PLD5: variants seen among roughly 807,000 people sequenced by gnomAD.
The protein encoded by PLD5 is inactive phospholipase D5.
Under a neutral mutation model 61.1 loss-of-function variants are expected in PLD5, and 36 were observed. That is an observed-to-expected ratio of 0.59 (90% CI 0.45 to 0.78). PLD5 has a LOEUF of 0.78. Among genes scored for constraint, PLD5 ranks in the 30% least tolerant of loss-of-function variants. The pLI is 0.00. For synonymous variants in PLD5, 243 were observed against 242.8 expected (o/e 1.00, Z -0.01); for missense variants, 515 against 644.4 (o/e 0.80, Z 2.17).
chr1:242,172,121 C>G (rs746540807), intron 5 of PLD5, among the ~76,000 whole-genome samples: 34 of 152,290 alleles, frequency 2.2e-4, no homozygotes, highest in Middle Eastern at 3.4e-3. Flanking sequence ...AAATTGACCA[C>G]GTAATTGAAG....
chr1:242,263,098 C>T lies in PLD5; in HGVS notation c.607+2239G>A, dbSNP rs140415383. ...GAACAGGAATGACCTGCACACCACC[C>T]GTCAGAAGGGCCTTGGCCAGCTGTC... On this transcript the variant is annotated intron_variant, in intron 4 of 9. Transcript: ENST00000536534. Among the ~76,000 whole-genome samples the T allele has an allele frequency of 2.3e-4, 35 of 152,252 alleles. 1 individual carries two copies. Among genetic ancestry groups the T allele is most frequent in the African/African-American group, 7.9e-4 (33 of 41,552 alleles).
intron 1 of PLD5, among the ~76,000 whole-genome samples, chr1:242,396,054 A>G (rs900786481): frequency 1.8e-4 from 28 of 152,170 alleles, no homozygotes; most frequent in African/African-American, 6.0e-4. Context: ...ATCTCAAAAA[A>G]AAAAGTATCA....
rs188953498 is a variant in PLD5, at chr1:242,194,387, A to G, written c.735+25601T>C. 5.7e-3 allele frequency among the ~76,000 whole-genome samples: 874 copies of G among 152,236 alleles called. 7 individuals are homozygous for G. The highest frequency in any genetic ancestry group is 0.02 in the African/African-American group (838 of 41,534). On this transcript the variant is annotated intron_variant, in intron 5 of 9. Coordinates refer to ENST00000536534, the MANE Select transcript of PLD5 (RefSeq NM_001372062.1). Reference sequence around the variant, plus strand: ...GATTCCTTAAAGAACTAAAAGTAGAACTGCCATTTGATCCAGCAACTGCAC... The same window carrying G: ...GATTCCTTAAAGAACTAAAAGTAGAGCTGCCATTTGATCCAGCAACTGCAC...
intron 5 of PLD5, among the ~76,000 whole-genome samples, chr1:242,187,527 TA>T (rs1283838004): frequency 6.6e-6 from 1 of 152,192 alleles, no homozygotes; most frequent in Non-Finnish European, 1.5e-5. Flanking sequence ...AATATATAAA[TA>T]AAAATCTATA....
upstream of PLD5, among the ~76,000 whole-genome samples, chr1:242,528,090 CTTCT>C (rs1669486107): frequency 6.6e-6 from 1 of 152,140 alleles, no homozygotes; most frequent in Non-Finnish European, 1.5e-5. Flanking sequence ...CATGTTTTTG[CTTCT>C]TTATTTTGAA....
intron 5 of PLD5, among the ~76,000 whole-genome samples, chr1:242,142,878 C>T (rs998533721): frequency 1.3e-5 from 2 of 152,048 alleles, no homozygotes; most frequent in African/African-American, 4.8e-5. Context: ...AGGCACCCAC[C>T]ACCATGTTGG....
At chr1:242,463,422 G>A (rs75395882) in intron 1 of PLD5, among the ~76,000 whole-genome samples, 6,723 of 152,138 alleles carry the variant, frequency 0.044, 231 homozygotes, top group Middle Eastern at 0.075. Flanking sequence ...CATCGCAAGC[G>A]GACTCCTAAT....
intron 1 of PLD5, among the ~76,000 whole-genome samples, chr1:242,475,078 C>T (rs1232539918): frequency 6.6e-6 from 1 of 152,156 alleles, no homozygotes; most frequent in African/African-American, 2.4e-5. Context: ...AGGCTTGAGC[C>T]TCTAAGCAAG....
intron 8 of PLD5, among the ~76,000 whole-genome samples, chr1:242,103,458 T>C (rs1574299257): frequency 1.3e-5 from 2 of 152,360 alleles, no homozygotes; most frequent in East Asian, 1.9e-4. Flanking sequence ...ATGTGAGCCA[T>C]TGGTGAACTA....
intron 5 of PLD5, among the ~76,000 whole-genome samples, chr1:242,183,813 TGAA>T (rs1667687152): frequency 6.6e-6 from 1 of 152,084 alleles, no homozygotes; most frequent in Non-Finnish European, 1.5e-5. Flanking sequence ...TAGAATGGCG[TGAA>T]CCCGGGAGGC....
At chr1:242,403,351 C>T (rs1223823189) in intron 1 of PLD5, among the ~76,000 whole-genome samples, 1 of 152,218 alleles carries the variant, frequency 6.6e-6, no homozygotes, top group Non-Finnish European at 1.5e-5. Context: ...ACCTTCCCTG[C>T]AAGCACACAG....
At chr1:242,127,281 G>T (rs1662872354) in intron 5 of PLD5, among the ~76,000 whole-genome samples, 1 of 152,130 alleles carries the variant, frequency 6.6e-6, no homozygotes, top group Non-Finnish European at 1.5e-5. Flanking sequence ...ACTACCATTG[G>T]ATCCAGCAAT....
upstream of PLD5, chr1:242,524,700 G>C (rs994216225): frequency 1.4e-5 from 2 of 138,722 alleles, no homozygotes; most frequent in African/African-American, 5.1e-5. Flanking sequence ...CACCTACTGG[G>C]ACCCGGGCCG....
chr1:242,207,991 T>C lies in PLD5; in HGVS notation c.735+11997A>G, dbSNP rs146992242. Among the ~76,000 whole-genome samples the C allele has an allele frequency of 2.5e-4, 10 of 40,258 alleles. 2 individuals are homozygous for C. The highest frequency in any genetic ancestry group is 1.4e-3 in the East Asian group (2 of 1,438). The allele number at this position is 40,258 out of a possible 152,430, so 26.4% of individuals were successfully genotyped here. The stretch of plus-strand genomic sequence containing the variant: ...ATATATATTTTTATATATATATTTA[T>C]ACACACACACACACACACACACACA... On this transcript the variant is annotated intron_variant, in intron 5 of 9. Coordinates refer to ENST00000536534, the MANE Select transcript of PLD5 (RefSeq NM_001372062.1).
intron 1 of PLD5, among the ~76,000 whole-genome samples, chr1:242,410,680 G>C (rs1664498502): frequency 6.6e-6 from 1 of 151,940 alleles, no homozygotes; most frequent in Non-Finnish European, 1.5e-5. Context: ...ATTTAGCTTA[G>C]GTATTTTGCG....
intron 5 of PLD5, among the ~76,000 whole-genome samples, chr1:242,132,905 G>C (rs1663401726): frequency 6.6e-6 from 1 of 152,036 alleles, no homozygotes; most frequent in Non-Finnish European, 1.5e-5. Context: ...AATAGGGTCT[G>C]GAGGAAGGGA....
chr1:242,410,079 C>A (rs1490316603), intron 1 of PLD5, among the ~76,000 whole-genome samples: 1 of 152,162 alleles, frequency 6.6e-6, no homozygotes, highest in Non-Finnish European at 1.5e-5. Context: ...AATATTCCTC[C>A]CTGTGGAGAG....
chr1:242,440,218 T>C (rs1666207620), intron 1 of PLD5, among the ~76,000 whole-genome samples: 1 of 152,224 alleles, frequency 6.6e-6, no homozygotes, highest in Non-Finnish European at 1.5e-5. Flanking sequence ...TAGATATTTC[T>C]ATTCATCCAT....
chr1:242,500,129 T>C (rs905582), intron 1 of PLD5, among the ~76,000 whole-genome samples: 56,306 of 152,008 alleles, frequency 0.37, 11,215 homozygotes, highest in East Asian at 0.61. Flanking sequence ...ATAGTGTAGC[T>C]TTTGTCATAG....
Sources: gnomAD v4.1 joint callset for allele counts (sites outside exome capture counted in the v4.1 genomes callset) on GRCh38, gnomAD v4.1.1 for gene constraint, MANE v1.5 for transcripts, NCBI Gene and HGNC (gene_info 2026-07-23, HGNC 2026-07-21) for gene names.